The following SLIT3 variants were observed in gnomAD, a reference collection of about 807,000 sequenced individuals.
The protein encoded by SLIT3 is slit guidance ligand 3.
In SLIT3, 68 loss-of-function variants were observed where a neutral mutation model predicts 184.0. That is an observed-to-expected ratio of 0.37 (90% CI 0.30 to 0.45). The LOEUF (loss-of-function observed/expected upper bound fraction) is 0.45. SLIT3 is among the 20% of genes least tolerant of loss of function. The pLI is 1.00. For missense variants in SLIT3, 1,707 were observed against 2,026.0 expected, an observed-to-expected ratio of 0.84 and a Z score of 3.02; for synonymous variants, 831 against 828.6, an observed-to-expected ratio of 1.00 and a Z score of -0.05.
intron 4 of SLIT3, among the ~76,000 whole-genome samples, chr5:169,082,242 C>T (rs1759096387): frequency 6.6e-6 from 1 of 152,180 alleles, no homozygotes; most frequent in Admixed American, 6.5e-5. Flanking sequence ...CTAAAGCCTT[C>T]AACTTTTTCT....
At chr5:168,828,658 C>CAAAAAAAAAAAA (rs56974958) in intron 6 of SLIT3, among the ~76,000 whole-genome samples, 15 of 97,130 alleles carry the variant, frequency 1.5e-4, no homozygotes, top group African/African-American at 2.0e-4. Flanking sequence ...GATCCTGACT[C>CAAAAAAAAAAAA]AAAAAAAAAA....
chr5:169,173,645 C>A (rs754593917), intron 4 of SLIT3, among the ~76,000 whole-genome samples: 9 of 152,242 alleles, frequency 5.9e-5, no homozygotes, highest in Non-Finnish European at 5.9e-5. Context: ...AAATGCTCCT[C>A]TGTAGCTCCC....
At chr5:169,094,959 G>A (rs1396587918) in intron 4 of SLIT3, among the ~76,000 whole-genome samples, 1 of 152,184 alleles carries the variant, frequency 6.6e-6, no homozygotes, top group African/African-American at 2.4e-5. Context: ...GCCCACCCCT[G>A]CCTGGGGAGG....
chr5:169,266,422 G>A (rs1766397072), intron 1 of SLIT3, among the ~76,000 whole-genome samples: 1 of 152,222 alleles, frequency 6.6e-6, no homozygotes, highest in South Asian at 2.1e-4. Context: ...GAAAAGGAAT[G>A]TGGGTGGAAA....
At chr5:168,966,983 C>T (rs1338878867) in intron 4 of SLIT3, among the ~76,000 whole-genome samples, 1 of 152,070 alleles carries the variant, frequency 6.6e-6, no homozygotes, top group African/African-American at 2.4e-5. Flanking sequence ...GACAAAGCCC[C>T]CCAAAAATAT....
chr5:169,180,373 G>T (rs978543083), intron 4 of SLIT3, among the ~76,000 whole-genome samples: 1 of 152,188 alleles, frequency 6.6e-6, no homozygotes, highest in African/African-American at 2.4e-5. Flanking sequence ...GTCTTCTCAG[G>T]ACTATGTAAA....
chr5:169,128,340 C>T (rs1280686327), intron 4 of SLIT3, among the ~76,000 whole-genome samples: 1 of 150,356 alleles, frequency 6.7e-6, no homozygotes, highest in African/African-American at 2.4e-5. Context: ...GAAACACTGC[C>T]CTAAGAAATC....
At chr5:169,016,416 G>A (rs1043413138) in intron 4 of SLIT3, among the ~76,000 whole-genome samples, 43 of 152,230 alleles carry the variant, frequency 2.8e-4, no homozygotes, top group African/African-American at 9.6e-4. Context: ...GATTACTGGC[G>A]GAGTGATTTT....
chr5:168,926,915 C>T (rs1761844954), intron 4 of SLIT3, among the ~76,000 whole-genome samples: 1 of 151,834 alleles, frequency 6.6e-6, no homozygotes, highest in African/African-American at 2.4e-5. Context: ...TCTTTATGCA[C>T]TGTGGGTAGG....
intron 3 of SLIT3, among the ~76,000 whole-genome samples, chr5:169,224,872 T>G (rs1764748650): frequency 6.6e-6 from 1 of 152,018 alleles, no homozygotes; most frequent in Non-Finnish European, 1.5e-5. Context: ...TTTTTAGGCA[T>G]GGGGTTTCAC....
At chr5:169,214,679 A>G (rs1466923041) in intron 3 of SLIT3, among the ~76,000 whole-genome samples, 1 of 152,192 alleles carries the variant, frequency 6.6e-6, no homozygotes, top group East Asian at 1.9e-4. Flanking sequence ...AGTAAAGTGA[A>G]AGGGATATGC....
intron 4 of SLIT3, among the ~76,000 whole-genome samples, chr5:169,034,922 T>A (rs1757176258): frequency 1.4e-5 from 2 of 139,470 alleles, no homozygotes; most frequent in Admixed American, 1.4e-4. Flanking sequence ...AGTGTGTGTG[T>A]GTGTGTGTGT....
intron 4 of SLIT3, among the ~76,000 whole-genome samples, chr5:168,933,309 C>T (rs1762052901): frequency 6.6e-6 from 1 of 151,650 alleles, no homozygotes; most frequent in Non-Finnish European, 1.5e-5. Context: ...TTTGGGAGGC[C>T]AAGGCGGGTG....
At chr5:168,825,221 C>T (rs1757659644) in intron 6 of SLIT3, among the ~76,000 whole-genome samples, 1 of 152,074 alleles carries the variant, frequency 6.6e-6, no homozygotes, top group African/African-American at 2.4e-5. Context: ...CTATTATATT[C>T]CCCTCTACTC....
chr5:168,785,756 G>A, intron 12 of SLIT3, 151 bp downstream of exon 12: 5 of 608,604 alleles, frequency 8.2e-6, no homozygotes, highest in Non-Finnish European at 1.5e-5. Context: ...ATAAAAATAG[G>A]AAACGGAGGT....
intron 4 of SLIT3, among the ~76,000 whole-genome samples, chr5:168,910,626 G>T (rs1361946596): frequency 6.6e-6 from 1 of 151,784 alleles, no homozygotes; most frequent in African/African-American, 2.4e-5. Flanking sequence ...GGCGCCTGTA[G>T]TCCCAGCTAC....
At chr5:168,773,094 C>G (rs1422563714) in intron 13 of SLIT3, 150 bp from the exon 14 acceptor site, 2 of 740,894 alleles carry the variant, frequency 2.7e-6, no homozygotes, top group East Asian at 2.8e-5. Context: ...GTGCTACTTT[C>G]AGACAGGGCT....
chr5:168,749,066 C>T (rs937141457), intron 19 of SLIT3, among the ~76,000 whole-genome samples: 9 of 152,122 alleles, frequency 5.9e-5, no homozygotes, highest in Non-Finnish European at 1.2e-4. Flanking sequence ...GCCAGGGCTC[C>T]CATGTACAGT....
At chr5:168,799,075 A>C (rs1756674619) in intron 9 of SLIT3, among the ~76,000 whole-genome samples, 1 of 152,132 alleles carries the variant, frequency 6.6e-6, no homozygotes, top group Non-Finnish European at 1.5e-5. Flanking sequence ...ATCCACAGGG[A>C]AAATGGCCCC....
Sources: allele counts gnomAD v4.1 joint callset (sites outside exome capture counted in the v4.1 genomes callset), GRCh38; gene constraint gnomAD v4.1.1; transcripts MANE v1.5; gene names NCBI Gene and HGNC (gene_info 2026-07-23, HGNC 2026-07-21).